ATP8B3: variants seen among roughly 807,000 people sequenced by gnomAD.
The protein encoded by ATP8B3 is phospholipid-transporting ATPase IK.
ATP8B3 carries 141 observed loss-of-function variants against 140.9 expected under a neutral mutation model. The observed-to-expected ratio is 1.00, with a 90% CI of 0.87 to 1.15. ATP8B3 has a LOEUF of 1.15. Among genes scored for constraint, ATP8B3 ranks in the 50% most tolerant of loss-of-function variants. The probability of loss-of-function intolerance (pLI) is 0.00; values close to 1 mark genes in which losing one functional copy is unlikely to be tolerated. For synonymous variants in ATP8B3, 765 were observed against 714.6 expected (o/e 1.07, Z -1.13); for missense variants, 1,874 against 1,740.6 (o/e 1.08, Z -1.36).
At chr19:1,810,929 C>T (rs2145213326) in intron 2 of ATP8B3, among the ~76,000 whole-genome samples, 1 of 152,318 alleles carries the variant, frequency 6.6e-6, no homozygotes, top group South Asian at 2.1e-4. Context: ...GCCAGTGTCC[C>T]CCGCCAGCCA....
Position 1,811,649 on chromosome 19 carries a change from C to G in ATP8B3, c.88G>C (p.Asp30His), listed in dbSNP as rs753114670. 17 of 1,611,162 alleles carry G rather than the reference C, an allele frequency of 1.1e-5. No homozygotes were observed. Among genetic ancestry groups the G allele is most frequent in the Non-Finnish European group, 1.4e-5 (17 of 1,179,812 alleles). The change falls in exon 2 of 29, where the codon GAC becomes CAC. Residue 30 changes from aspartate (D) to histidine (H), a missense_variant. Asp to His is a moderately conservative substitution (Grantham distance 81, BLOSUM62 -1). This residue lies in a region of ATP8B3 where 1,032 missense variants were observed against 963.6 expected (regional missense o/e 1.07). Coordinates refer to ENST00000310127, the MANE Select transcript of ATP8B3 (RefSeq NM_138813.4). ...GAGCCTTCCTGAGTCACGTCTGAGT[C>G]ACCCGTGTCCCCAGGTCCTGGTGGG... ...PAPPGPGDTGDSDVTQEGSGP... is the reference protein window; with the variant it reads ...PAPPGPGDTGHSDVTQEGSGP...
In ATP8B3 at chr19:1,785,317, G is replaced by A. The variant is rs1223425628; in HGVS notation, c.3394-20C>T. 1 of 1,576,544 alleles carries A rather than the reference G, an allele frequency of 6.3e-7. No individual in the cohort carries two copies. The highest frequency in any genetic ancestry group is 1.4e-5 in the African/African-American group (1 of 74,006). On this transcript the variant is annotated intron_variant, in intron 26 of 28. Coordinates refer to ENST00000310127, the MANE Select transcript of ATP8B3 (RefSeq NM_138813.4). Reference sequence around the variant, plus strand: ...AATGACCTGGACAGGCAGCGGTGGGGTAAATCCGGGGCCTAGCGGGGCTTG... The same window carrying A: ...AATGACCTGGACAGGCAGCGGTGGGATAAATCCGGGGCCTAGCGGGGCTTG...
chr19:1,783,141 T>A lies in ATP8B3; in HGVS notation c.3790A>T (p.Ile1264Phe), dbSNP rs1373103115. 6.2e-7 allele frequency: 1 copy of A among 1,613,724 alleles called. No homozygotes were observed. Among genetic ancestry groups the A allele is most frequent in the Middle Eastern group, 1.7e-4 (1 of 6,060 alleles). The change falls in exon 29 of 29, where the codon ATC becomes TTC. Residue 1264 changes from isoleucine to phenylalanine, a missense_variant. Physicochemically the swap from Ile to Phe is conservative, Grantham distance 21. Coordinates refer to ENST00000310127, the MANE Select transcript of ATP8B3 (RefSeq NM_138813.4). ...CTCCGCAGAATTGTGCCCTGAGTGA[T>A]GAGGTTTGCATATCCCTCACGGTGG... is the stretch of plus-strand genomic sequence containing the variant. ...FSHREGYANL[I>F]TQGTILRRGP...
chr19:1,808,724 A>G (rs1372153175), intron 4 of ATP8B3, among the ~76,000 whole-genome samples: 29 of 152,226 alleles, frequency 1.9e-4, no homozygotes, highest in Admixed American at 1.9e-3. Flanking sequence ...GACACCCAAG[A>G]GGATTTCAGG....
intron 17 of ATP8B3, 42 bp downstream of exon 17, chr19:1,796,035 G>T: frequency 6.2e-7 from 1 of 1,611,298 alleles, no homozygotes; most frequent in South Asian, 1.1e-5. Context: ...CCGTCTGCCC[G>T]CCCCACCTTG....
At chr19:1,784,095 C>T (rs375681951) in intron 28 of ATP8B3, among the ~76,000 whole-genome samples, 8 of 152,124 alleles carry the variant, frequency 5.3e-5, no homozygotes, top group Non-Finnish European at 7.4e-5. Context: ...ACAGATGGAG[C>T]GTGCCGTGTT....
intron 18 of ATP8B3, among the ~76,000 whole-genome samples, chr19:1,795,481 G>A (rs991350415): frequency 6.6e-6 from 1 of 152,078 alleles, no homozygotes; most frequent in Non-Finnish European, 1.5e-5. Flanking sequence ...AACCCGGGAG[G>A]CGGAGGTTGC....
Position 1,811,542 on chromosome 19 carries a change from C to T in ATP8B3, c.195G>A (p.Arg65=). 6.2e-7 allele frequency: 1 copy of T among 1,612,424 alleles called. No homozygotes were observed. Among genetic ancestry groups the T allele is most frequent in the Non-Finnish European group, 8.5e-7 (1 of 1,179,772 alleles). ...CCCGGCCAGGCTGGGCCTTGTGCCTCCTCTCAGGTGCCCCTCTGCCTGGGG... is the reference window on the plus strand; with the variant it reads ...CCCGGCCAGGCTGGGCCTTGTGCCTTCTCTCAGGTGCCCCTCTGCCTGGGG... ...GDSPGRGAPE[R]RHKAQPGRAR... The change falls in exon 2 of 29, where the codon AGG becomes AGA. Residue 65 remains arginine, a synonymous_variant. Coordinates refer to ENST00000310127, the MANE Select transcript of ATP8B3 (RefSeq NM_138813.4).
intron 12 of ATP8B3, among the ~76,000 whole-genome samples, chr19:1,801,036 G>A (rs1363923160): frequency 6.6e-6 from 1 of 151,166 alleles, no homozygotes; most frequent in Non-Finnish European, 1.5e-5. Context: ...CACTGTGTTA[G>A]CCAGGATGGT....
rs2068203243 is a variant in ATP8B3, at chr19:1,783,088, T to A, written c.3843A>T (p.Ala1281=). The A allele has an allele frequency of 3.7e-6, 6 of 1,613,420 alleles. No individual in the cohort carries two copies. Among genetic ancestry groups the A allele is most frequent in the Non-Finnish European group, 4.2e-6 (5 of 1,179,722 alleles). The change falls in exon 29 of 29, where the codon GCA becomes GCT. Residue 1281 remains alanine, a synonymous_variant. Coordinates refer to ENST00000310127, the MANE Select transcript of ATP8B3 (RefSeq NM_138813.4). ...CATCAGATGGGTCTAGGGATTCAGA[T>A]GCTATGTCACTGCTGACCCCTGGTC... is the stretch of plus-strand genomic sequence containing the variant. ...RRGPGVSSDI[A]SESLDPSDEE... is the part of the protein sequence containing the mutation.
At chr19:1,811,274 C>G (rs1244753938) in intron 2 of ATP8B3, among the ~76,000 whole-genome samples, 1 of 152,202 alleles carries the variant, frequency 6.6e-6, no homozygotes, top group Non-Finnish European at 1.5e-5. Flanking sequence ...AGACGGACAT[C>G]GTCAGAAGAT....
Position 1,800,583 on chromosome 19 carries a change from G to C in ATP8B3, c.1153-134C>G, listed in dbSNP as rs1403213390. ...GCCTGTAATCTCAGCACTTCAGGAG[G>C]CTAAGGCAGGCGGATGGCTTGACGT... is the stretch of plus-strand genomic sequence containing the variant. On this transcript the variant is annotated intron_variant, in intron 12 of 28. Transcript: ENST00000310127. This position sits in a 1 kb window ranked among gnomAD's most constrained non-coding sequence, Gnocchi z 4.4. 14 of 782,962 alleles carry C rather than the reference G, an allele frequency of 1.8e-5. No homozygotes were observed. Among genetic ancestry groups the C allele is most frequent in the Non-Finnish European group, 2.8e-5 (14 of 494,112 alleles). 48.5% of individuals were successfully genotyped at this position (782,962 alleles called of 1,614,324 possible).
At chr19:1,802,418 CA>C in intron 11 of ATP8B3, 68 bp downstream of exon 11, 1 of 664,282 alleles carries the variant, frequency 1.5e-6, no homozygotes. Context: ...CCCACCCACC[CA>C]TCCCCACATC....
In ATP8B3 at chr19:1,802,406, T is replaced by TGGGCCCCCC; in HGVS notation, c.1063+80_1063+81insGGGGGGCCC. The TGGGCCCCCC allele has an allele frequency of 4.7e-6, 2 of 421,058 alleles. 1 individual carries two copies. Among genetic ancestry groups the TGGGCCCCCC allele is most frequent in the Non-Finnish European group, 8.8e-6 (2 of 228,280 alleles). 26.1% of individuals were successfully genotyped at this position (421,058 alleles called of 1,614,324 possible). The stretch of plus-strand genomic sequence containing the variant: ...CCTCTCACACATCCATCCACCCACC[T>TGGGCCCCCC]ACCCACCCACCCATCCCCACATCCA... On this transcript the variant is annotated intron_variant, in intron 11 of 28. Transcript: ENST00000310127.
At chr19:1,785,743 G>T in intron 25 of ATP8B3, 35 bp from the exon 26 acceptor site, 1 of 1,199,200 alleles carries the variant, frequency 8.3e-7, no homozygotes, top group East Asian at 3.6e-5. Context: ...GATTGGGTGG[G>T]GGGCGGGGGA....
rs1286846380 is a variant in ATP8B3, at chr19:1,794,864, G to A, written c.2055+1011C>T. On this transcript the variant is annotated intron_variant, in intron 18 of 28. Coordinates refer to ENST00000310127, the MANE Select transcript of ATP8B3 (RefSeq NM_138813.4). The surrounding 1 kb of genome is among the most constrained non-coding windows in gnomAD (Gnocchi z 4.8). Reference sequence around the variant, plus strand: ...TCAAATCCTGGGCCGAGGAGTTCGGGCTTCCCCCACAGAGTGGGAAGCTTT... The same window carrying A: ...TCAAATCCTGGGCCGAGGAGTTCGGACTTCCCCCACAGAGTGGGAAGCTTT... Among the ~76,000 whole-genome samples the A allele has an allele frequency of 6.6e-6, 1 of 152,198 alleles. No individual in the cohort carries two copies. Among genetic ancestry groups the A allele is most frequent in the African/African-American group, 2.4e-5 (1 of 41,448 alleles).
rs750230585 is a variant in ATP8B3, at chr19:1,785,453, T to C, written c.3393+16A>G. On this transcript the variant is annotated intron_variant, in intron 26 of 28. Coordinates refer to ENST00000310127, the MANE Select transcript of ATP8B3 (RefSeq NM_138813.4). Reference sequence around the variant, plus strand: ...GGCCATGTCCAAGGCCCCGGGGAGGTGAGGACCTTGCCCACCTCCATGGTG... The same window carrying C: ...GGCCATGTCCAAGGCCCCGGGGAGGCGAGGACCTTGCCCACCTCCATGGTG... 1 of 1,610,344 alleles carries C rather than the reference T, an allele frequency of 6.2e-7. No individual in the cohort carries two copies. Among genetic ancestry groups the C allele is most frequent in the East Asian group, 2.2e-5 (1 of 44,762 alleles).
At position 1,808,268 on chromosome 19, in the gene ATP8B3, AACTGCTCGT is replaced by A. The variant is rs1260079141; in HGVS notation, c.461_469del (p.Tyr154_Gln156del). 8.7e-6 allele frequency: 14 copies of A among 1,613,166 alleles called. No individual in the cohort carries two copies. The highest frequency in any genetic ancestry group is 1.1e-5 in the Non-Finnish European group (13 of 1,179,642). ...GAAGAACAGGTTGGACACGCGGTGG[AACTGCTCGT>A]ACAGGTTCAGCGGCAGGAACGAGTA... On this transcript the variant is annotated inframe_deletion, in exon 5 of 29. Transcript: ENST00000310127.
Position 1,808,275 on chromosome 19 carries a change from C to T in ATP8B3, c.463G>A (p.Glu155Lys), listed in dbSNP as rs569194652. 4 of 1,613,136 alleles carry T rather than the reference C, an allele frequency of 2.5e-6. No individual in the cohort carries two copies. The highest frequency in any genetic ancestry group is 3.4e-6 in the Non-Finnish European group (4 of 1,179,614). ...AGGTTGGACACGCGGTGGAACTGCT[C>T]GTACAGGTTCAGCGGCAGGAACGAG... ...FYSFLPLNLY[E>K]QFHRVSNLFF... The change falls in exon 5 of 29, where the codon GAG becomes AAG. Residue 155 changes from glutamate to lysine, a missense_variant. Transcript: ENST00000310127.
Sources: allele counts gnomAD v4.1 joint callset (sites outside exome capture counted in the v4.1 genomes callset), GRCh38; gene constraint gnomAD v4.1.1; regional missense constraint gnomAD v4.1.1; non-coding constraint Gnocchi (gnomAD v3.1); transcripts MANE v1.5; gene names NCBI Gene and HGNC (gene_info 2026-07-23, HGNC 2026-07-21).